Variants in PHF21B observed in about 807,000 individuals in gnomAD.
PHF21B encodes the protein PHD finger protein 21B.
In PHF21B, 22 loss-of-function variants were observed where a neutral mutation model predicts 62.2. That is an observed-to-expected ratio of 0.35 (90% CI 0.25 to 0.51). The LOEUF (loss-of-function observed/expected upper bound fraction) is 0.51. Ranked by LOEUF, PHF21B falls within the 20% of genes least tolerant of loss-of-function variation. The pLI is 0.97. For synonymous variants in PHF21B, 341 were observed against 314.7 expected (o/e 1.08, Z -0.88); for missense variants, 701 against 707.9 (o/e 0.99, Z 0.11).
chr22:44,882,768 G>C lies in PHF21B; in HGVS notation c.*318C>G. On this transcript the variant is annotated 3_prime_UTR_variant, in exon 13 of 13. Coordinates refer to ENST00000313237, the MANE Select transcript of PHF21B (RefSeq NM_138415.5). The stretch of plus-strand genomic sequence containing the variant: ...CAGCCTGCCCCTCCAACGGGCCAGA[G>C]GGAGGCCGTGGAGAGCAGGGCCTGG... The C allele has an allele frequency of 3.3e-6, 1 of 303,306 alleles. No homozygotes were observed. Among genetic ancestry groups the C allele is most frequent in the Non-Finnish European group, 6.1e-6 (1 of 163,384 alleles). The allele number at this position is 303,306 out of a possible 1,614,324, so 18.8% of individuals were successfully genotyped here. A position where few individuals can be genotyped will look rare whatever the true frequency, so the allele number is the denominator to read the frequency against.
chr22:44,883,056 TC>T lies in PHF21B; in HGVS notation c.*29del. 1.9e-6 allele frequency: 3 copies of T among 1,580,040 alleles called. No individual in the cohort carries two copies. Among genetic ancestry groups the T allele is most frequent in the Non-Finnish European group, 2.6e-6 (3 of 1,163,636 alleles). ...TGTGTAAGCAGGGTCCCAATAACTT[TC>T]CGTGGGTATGAAGACTGGTCCCTCG... On this transcript the variant is annotated 3_prime_UTR_variant, in exon 13 of 13. Coordinates refer to ENST00000313237, the MANE Select transcript of PHF21B (RefSeq NM_138415.5).
At chr22:44,925,741 C>A (rs1185523237) in intron 2 of PHF21B, among the ~76,000 whole-genome samples, 4 of 152,162 alleles carry the variant, frequency 2.6e-5, no homozygotes, top group Non-Finnish European at 4.4e-5. Flanking sequence ...TGCCCGCCTC[C>A]CCTAATGCAT....
At chr22:44,887,829 T>C (rs1475595411) in intron 10 of PHF21B, 134 bp downstream of exon 10, 12 of 907,734 alleles carry the variant, frequency 1.3e-5, no homozygotes, top group Non-Finnish European at 1.8e-5. Flanking sequence ...CAGCCCCAAA[T>C]GTCAATTGTG....
At chr22:44,981,907 C>G (rs2072849385) in intron 2 of PHF21B, among the ~76,000 whole-genome samples, 2 of 152,236 alleles carry the variant, frequency 1.3e-5, no homozygotes, top group Admixed American at 1.3e-4. Context: ...GAAGAACTGG[C>G]TGGTGCCTGC....
In PHF21B at chr22:44,891,413, G is replaced by A. The variant is rs138385581; in HGVS notation, c.961-53C>T. The A allele has an allele frequency of 1.2e-3, 1,923 of 1,592,644 alleles. 26 individuals are homozygous for A. The African/African-American group carries it at 0.022, about 18-fold the overall frequency. The stretch of plus-strand genomic sequence containing the variant: ...ACCCCATCATCTGGAGGCTCTCTTC[G>A]ATGGTGACGTCACCCCAGGTCAGGA... On this transcript the variant is annotated intron_variant, in intron 7 of 12. Coordinates refer to ENST00000313237, the MANE Select transcript of PHF21B (RefSeq NM_138415.5).
chr22:44,958,330 T>A (rs920417909), intron 2 of PHF21B, among the ~76,000 whole-genome samples: 1 of 152,222 alleles, frequency 6.6e-6, no homozygotes, highest in African/African-American at 2.4e-5. Context: ...CTCTGGAATT[T>A]CATGGTGTGC....
At chr22:44,967,807 C>T (rs961086978) in intron 2 of PHF21B, among the ~76,000 whole-genome samples, 25 of 152,164 alleles carry the variant, frequency 1.6e-4, no homozygotes, top group African/African-American at 5.8e-4. Context: ...CATCGCTCTC[C>T]CCAGGCTGCC....
At chr22:44,973,255 A>G (rs964901464) in intron 2 of PHF21B, among the ~76,000 whole-genome samples, 30 of 152,182 alleles carry the variant, frequency 2.0e-4, no homozygotes, top group Non-Finnish European at 4.4e-4. Flanking sequence ...TGGGTCCGCC[A>G]AAGAAGCAAA....
At chr22:44,929,475 G>C (rs1305484086) in intron 2 of PHF21B, among the ~76,000 whole-genome samples, 1 of 152,210 alleles carries the variant, frequency 6.6e-6, no homozygotes, top group African/African-American at 2.4e-5. Context: ...GTCTCAGCTG[G>C]CTGCCCTGTG....
chr22:44,954,485 G>GC (rs2072255356), intron 2 of PHF21B, among the ~76,000 whole-genome samples: 1 of 152,234 alleles, frequency 6.6e-6, no homozygotes. Context: ...TGATGGTCCA[G>GC]CTGCTCCACC....
At chr22:44,966,424 C>G (rs560208625) in intron 2 of PHF21B, among the ~76,000 whole-genome samples, 190 of 152,340 alleles carry the variant, frequency 1.2e-3, no homozygotes, top group African/African-American at 4.5e-3. Context: ...CCACACAACC[C>G]TTGGGCAGGC....
At chr22:44,960,293 G>A (rs997068863) in intron 2 of PHF21B, among the ~76,000 whole-genome samples, 17 of 152,178 alleles carry the variant, frequency 1.1e-4, no homozygotes, top group Admixed American at 2.0e-4. Context: ...ACCTGAGTTC[G>A]GTGTCAGATG....
chr22:44,943,571 C>T (rs1367860023), intron 2 of PHF21B, among the ~76,000 whole-genome samples: 2 of 152,222 alleles, frequency 1.3e-5, no homozygotes, highest in South Asian at 2.1e-4. Context: ...CTCCAGGCCC[C>T]GCGGGCTCTA....
rs1017911019 is a variant in PHF21B at position 44,905,733 on chromosome 22, A to C, written c.831+8089T>G. Reference sequence around the variant, plus strand: ...AAGCTCCACCTCCCGGGTTCACACCATTCTCCTGCCTCAGCCTCCTGAGTA... The same window carrying C: ...AAGCTCCACCTCCCGGGTTCACACCCTTCTCCTGCCTCAGCCTCCTGAGTA... On this transcript the variant is annotated intron_variant, in intron 5 of 12. Transcript: ENST00000313237. 7.9e-5 allele frequency among the ~76,000 whole-genome samples: 12 copies of C among 152,106 alleles called. 1 individual carries two copies. Among genetic ancestry groups the C allele is most frequent in the African/African-American group, 2.9e-4 (12 of 41,430 alleles).
chr22:44,934,354 C>T (rs1036153994), intron 2 of PHF21B, among the ~76,000 whole-genome samples: 4 of 152,230 alleles, frequency 2.6e-5, no homozygotes, highest in East Asian at 1.9e-4. Context: ...CATAGAGGAG[C>T]GATGACATCA....
intron 5 of PHF21B, chr22:44,901,687 C>T (rs969389490): frequency 8.4e-6 from 4 of 473,870 alleles, no homozygotes; most frequent in Admixed American, 3.4e-5. Flanking sequence ...AGCTAAAAAG[C>T]CCAAGGGGGA....
chr22:45,009,427 C>T lies in PHF21B; in HGVS notation c.54+69G>A. 2 of 1,419,128 alleles carry T rather than the reference C, an allele frequency of 1.4e-6. No individual in the cohort carries two copies. The highest frequency in any genetic ancestry group is 4.7e-5 in the Admixed American group (2 of 42,824). The allele number at this position is 1,419,128 out of a possible 1,614,324, so 87.9% of individuals were successfully genotyped here. A position where few individuals can be genotyped will look rare whatever the true frequency, so the allele number is the denominator to read the frequency against. On this transcript the variant is annotated intron_variant, in intron 1 of 12. Coordinates refer to ENST00000313237, the MANE Select transcript of PHF21B (RefSeq NM_138415.5). The surrounding 1 kb of genome is among the most constrained non-coding windows in gnomAD (Gnocchi z 5.9). ...GAGACCCGGAAGAGAGGATGCTGGG[C>T]TCGGGTCCCCCGACCCCCTCACCCC...
intron 2 of PHF21B, chr22:44,933,569 A>T: frequency 4.1e-6 from 4 of 979,640 alleles, no homozygotes; most frequent in Non-Finnish European, 4.9e-6. Context: ...CCGCAACTCA[A>T]CGGAAGTGCA....
chr22:44,890,200 G>A (rs146668430), intron 8 of PHF21B, among the ~76,000 whole-genome samples: 1 of 152,266 alleles, frequency 6.6e-6, no homozygotes, highest in East Asian at 1.9e-4. Flanking sequence ...ATGGGAACAG[G>A]CTCATGTGGC....
Sources: gnomAD v4.1 joint callset for allele counts (sites outside exome capture counted in the v4.1 genomes callset) on GRCh38, gnomAD v4.1.1 for gene constraint, Gnocchi (gnomAD v3.1) non-coding constraint, MANE v1.5 for transcripts, NCBI Gene and HGNC (gene_info 2026-07-23, HGNC 2026-07-21) for gene names.